Variants in SLC8A1 observed in about 807,000 individuals in gnomAD.
The protein encoded by SLC8A1 is solute carrier family 8 member A1, also known as sodium/calcium exchanger 1.
Under a neutral mutation model 68.3 loss-of-function variants are expected in SLC8A1, and 18 were observed. The observed-to-expected ratio is 0.26, with a 90% CI of 0.18 to 0.39. SLC8A1 has a LOEUF of 0.39. Ranked by LOEUF, SLC8A1 falls within the 10% of genes least tolerant of loss-of-function variation. The pLI is 1.00. For missense variants in SLC8A1, 985 were observed against 1,156.7 expected (o/e 0.85, Z 2.15); for synonymous variants, 475 against 415.5 (o/e 1.14, Z -1.74).
Position 40,167,222 on chromosome 2 carries a change from G to T in SLC8A1, c.1931-2238C>A, listed in dbSNP as rs112592812. Reference sequence around the variant, plus strand: ...AGGAAGAAATGCTTAATTCGGTGCTGTTAGGTCTGTAACTAGTTCCTAGTA... The same window carrying T: ...AGGAAGAAATGCTTAATTCGGTGCTTTTAGGTCTGTAACTAGTTCCTAGTA... On this transcript the variant is annotated intron_variant, in intron 4 of 7. Coordinates refer to ENST00000406785, the Ensembl canonical transcript of SLC8A1. 2.0e-3 allele frequency among the ~76,000 whole-genome samples: 309 copies of T among 152,282 alleles called. 1 individual carries two copies. Among genetic ancestry groups the T allele is most frequent in the African/African-American group, 7.0e-3 (289 of 41,556 alleles).
At chr2:40,247,438 G>A (rs62148837) in intron 2 of SLC8A1, among the ~76,000 whole-genome samples, 1 of 30,608 alleles carries the variant, frequency 3.3e-5, no homozygotes, top group African/African-American at 8.0e-5. Flanking sequence ...ATATATATGT[G>A]TGTGTGTGTG....
intron 2 of SLC8A1, among the ~76,000 whole-genome samples, chr2:40,249,647 T>C (rs909903947): frequency 6.6e-5 from 10 of 152,308 alleles, no homozygotes; most frequent in African/African-American, 2.4e-4. Flanking sequence ...TTTTTGTAAA[T>C]TGTACTTAAA....
At chr2:40,268,351 G>A (rs986685855) in intron 2 of SLC8A1, among the ~76,000 whole-genome samples, 1 of 152,086 alleles carries the variant, frequency 6.6e-6, no homozygotes, top group South Asian at 2.1e-4. Context: ...TCACTAAGTG[G>A]GTCTAATGCA....
At chr2:40,164,881 C>G in exon 5 of SLC8A1, 3 of 1,613,916 alleles carry the variant, frequency 1.9e-6, no homozygotes, top group Non-Finnish European at 2.5e-6. Flanking sequence ...CTTCAATGAT[C>G]ACTTCCAACT....
exon 5 of SLC8A1, chr2:40,164,861 T>C (rs1338637324): frequency 2.5e-6 from 4 of 1,613,698 alleles, no homozygotes; most frequent in Non-Finnish European, 3.4e-6. Flanking sequence ...TACCTTGAAT[T>C]CATAGGATTC....
intron 1 of SLC8A1, among the ~76,000 whole-genome samples, chr2:40,484,315 A>G (rs906884568): frequency 6.6e-6 from 1 of 152,152 alleles, no homozygotes; most frequent in African/African-American, 2.4e-5. Context: ...AAGGACTGGC[A>G]TTATCCAATG....
At chr2:40,216,641 TC>T (rs1360052235) in intron 2 of SLC8A1, among the ~76,000 whole-genome samples, 1 of 152,190 alleles carries the variant, frequency 6.6e-6, no homozygotes, top group South Asian at 2.1e-4. Flanking sequence ...CATTCCTATT[TC>T]TCCATTGTGT....
At chr2:40,332,291 A>G (rs1308888421) in intron 2 of SLC8A1, among the ~76,000 whole-genome samples, 2 of 152,066 alleles carry the variant, frequency 1.3e-5, no homozygotes, top group Non-Finnish European at 2.9e-5. Context: ...GAGGATGGTG[A>G]AGAGCTCTGT....
At chr2:40,269,587 G>A (rs1193567569) in intron 2 of SLC8A1, among the ~76,000 whole-genome samples, 7 of 152,082 alleles carry the variant, frequency 4.6e-5, no homozygotes, top group Non-Finnish European at 8.8e-5. Context: ...AACATTACAT[G>A]ATGAATCTTA....
intron 2 of SLC8A1, among the ~76,000 whole-genome samples, chr2:40,381,078 G>C (rs1681611821): frequency 6.6e-6 from 1 of 152,044 alleles, no homozygotes; most frequent in African/African-American, 2.4e-5. Context: ...TGTGATTAAA[G>C]AAAAATTTCC....
At chr2:40,177,052 TTTTTTA>T (rs2048602860) in intron 3 of SLC8A1, among the ~76,000 whole-genome samples, 1 of 152,134 alleles carries the variant, frequency 6.6e-6, no homozygotes, top group Non-Finnish European at 1.5e-5. Flanking sequence ...ATTTTTTCTT[TTTTTTA>T]TATGTGTTAA....
At chr2:40,232,612 T>TA (rs1553435800) in intron 2 of SLC8A1, among the ~76,000 whole-genome samples, 21 of 150,216 alleles carry the variant, frequency 1.4e-4, no homozygotes, top group East Asian at 9.7e-4. Flanking sequence ...TTTTTTTTTT[T>TA]TATATACTTT....
At chr2:40,277,794 G>GTATATATATATATATATATATA (rs56145701) in intron 2 of SLC8A1, among the ~76,000 whole-genome samples, 9 of 108,020 alleles carry the variant, frequency 8.3e-5, no homozygotes, top group East Asian at 3.6e-4. Context: ...ATATATGTGT[G>GTATATATATATATATATATATA]TATATATATA....
rs192434123 is a variant in SLC8A1 at position 40,221,064 on chromosome 2, A to G, written c.1809-43209T>C. Among the ~76,000 whole-genome samples, 273 of 148,848 alleles carry G rather than the reference A, an allele frequency of 1.8e-3. 2 individuals carry two copies. The Middle Eastern group carries it at 0.02, about 11-fold the overall frequency. On this transcript the variant is annotated intron_variant, in intron 2 of 7. Transcript: ENST00000406785. ...ATCCTGATACCAAAACCTGGCAGAG[A>G]CACAACAACAACAAAAAAGAAAATT...
At chr2:40,510,704 T>G (rs1706667499) in intron 1 of SLC8A1, among the ~76,000 whole-genome samples, 1 of 152,162 alleles carries the variant, frequency 6.6e-6, no homozygotes, top group South Asian at 2.1e-4. Context: ...TCTCTCTCTC[T>G]CTTTCTAACT....
At chr2:40,335,641 G>C (rs925372374) in intron 2 of SLC8A1, among the ~76,000 whole-genome samples, 2 of 152,216 alleles carry the variant, frequency 1.3e-5, no homozygotes, top group African/African-American at 4.8e-5. Context: ...AGCCCTAAAA[G>C]AACAGAAATG....
chr2:40,269,785 G>GT (rs35553709), intron 2 of SLC8A1, among the ~76,000 whole-genome samples: 49 of 149,474 alleles, frequency 3.3e-4, no homozygotes, highest in South Asian at 1.1e-3. Flanking sequence ...GACTGTTGCT[G>GT]TTTTTTTTTT....
chr2:40,138,276 G>T (rs2040899878), intron 7 of SLC8A1, among the ~76,000 whole-genome samples: 1 of 152,178 alleles, frequency 6.6e-6, no homozygotes, highest in Non-Finnish European at 1.5e-5. Context: ...AACTGTAGTT[G>T]TTTTCAGACT....
rs956326199 is a variant in SLC8A1, at chr2:40,186,587, T to G, written c.1809-8732A>C. On this transcript the variant is annotated intron_variant, in intron 2 of 7. Transcript: ENST00000406785. ...ATTTTTAGATTACTGGTGAGATATT[T>G]TGGGCATGGATTCATTTGGGGGGAT... is the stretch of plus-strand genomic sequence containing the variant. 7.2e-5 allele frequency among the ~76,000 whole-genome samples: 11 copies of G among 152,330 alleles called. No homozygotes were observed. In the Middle Eastern group the frequency reaches 0.01, roughly 141 times the overall value.
Sources: allele counts gnomAD v4.1 joint callset (sites outside exome capture counted in the v4.1 genomes callset), GRCh38; gene constraint gnomAD v4.1.1; transcripts MANE v1.5; gene names NCBI Gene and HGNC (gene_info 2026-07-23, HGNC 2026-07-21).